The following C5AR1 variants were observed in gnomAD, a reference collection of about 807,000 sequenced individuals.
C5AR1 encodes complement C5a receptor 1, also known as C5a anaphylatoxin chemotactic receptor 1.
In C5AR1, 4 loss-of-function variants were observed where a neutral mutation model predicts 2.4. The ratio of observed to expected loss-of-function variants is 1.65; its 90% confidence interval spans 0.81 to 3.77. The LOEUF (loss-of-function observed/expected upper bound fraction) is 3.77, where lower values mean the gene tolerates loss of function less well. Among genes scored for constraint, C5AR1 ranks in the 30% most tolerant of loss-of-function variants. The probability of loss-of-function intolerance (pLI) is 0.01; values close to 1 mark genes in which losing one functional copy is unlikely to be tolerated. For synonymous variants in C5AR1, 209 were observed against 210.4 expected (o/e 0.99, Z 0.06); for missense variants, 418 against 462.5 (o/e 0.90, Z 0.88).
intron 1 of C5AR1, among the ~76,000 whole-genome samples, chr19:47,316,270 C>T (rs1177446459): frequency 2.6e-5 from 4 of 151,996 alleles, no homozygotes; most frequent in African/African-American, 4.8e-5. Context: ...GCCACCATGC[C>T]CAGCCCATTA....
Position 47,321,065 on chromosome 19 carries a change from C to A in C5AR1, c.*235C>A, listed in dbSNP as rs200603179. On this transcript the variant is annotated 3_prime_UTR_variant, in exon 2 of 2. Coordinates refer to ENST00000355085, the MANE Select transcript of C5AR1 (RefSeq NM_001736.4). ...AGCACCCTCCCACCCCCCACCCCCC[C>A]CACACACACCATCTTTCCATCCCAG... 2.5e-5 allele frequency: 6 copies of A among 242,746 alleles called. No individual in the cohort carries two copies. The highest frequency in any genetic ancestry group is 4.2e-5 in the Non-Finnish European group (6 of 141,766). The allele number at this position is 242,746 out of a possible 1,614,324, so 15.0% of individuals were successfully genotyped here.
chr19:47,317,958 C>T (rs1047079382), intron 1 of C5AR1, among the ~76,000 whole-genome samples: 2 of 138,760 alleles, frequency 1.4e-5, no homozygotes, highest in Admixed American at 7.7e-5. Context: ...TCCAGCGTGG[C>T]GACAGAGTGA....
In C5AR1 at chr19:47,318,661, C is replaced by T. The variant is rs192090974; in HGVS notation, c.4-1120C>T. On this transcript the variant is annotated intron_variant, in intron 1 of 1. Transcript: ENST00000355085. Reference sequence around the variant, plus strand: ...AGGATGGAAAGAGCAAATTCCATGCCGCATGCATAGTAGGTGCTCAGTAAG... The same window carrying T: ...AGGATGGAAAGAGCAAATTCCATGCTGCATGCATAGTAGGTGCTCAGTAAG... Among the ~76,000 whole-genome samples, 430 of 152,084 alleles carry T rather than the reference C, an allele frequency of 2.8e-3. 1 individual carries two copies. The highest frequency in any genetic ancestry group is 5.4e-3 in the Non-Finnish European group (366 of 67,996).
At chr19:47,308,212 CAAAA>C (rs1051683773), upstream of C5AR1, among the ~76,000 whole-genome samples, 3 of 54,070 alleles carry the variant, frequency 5.5e-5, no homozygotes, top group Non-Finnish European at 7.5e-5. Context: ...GACTCCATCT[CAAAA>C]AAAAAAAAAA....
At chr19:47,314,985 C>T (rs1053189423) in intron 1 of C5AR1, among the ~76,000 whole-genome samples, 69 of 152,200 alleles carry the variant, frequency 4.5e-4, no homozygotes, top group African/African-American at 1.4e-3. Flanking sequence ...TGAGCCACCA[C>T]GCCTGGCCTC....
intron 1 of C5AR1, among the ~76,000 whole-genome samples, chr19:47,314,525 A>AG (rs1490443058): frequency 6.0e-5 from 9 of 150,360 alleles, no homozygotes; most frequent in Admixed American, 4.6e-4. Context: ...AGCCTCCCAG[A>AG]TAGCTGGGAT....
rs527334716 is a variant in C5AR1 at position 47,310,228 on chromosome 19, C to T, written c.3+330C>T. Among the ~76,000 whole-genome samples, 35 of 152,234 alleles carry T rather than the reference C, an allele frequency of 2.3e-4. No individual in the cohort carries two copies. In the East Asian group the frequency reaches 5.2e-3, roughly 23 times the overall value. ...GGTGACTAAGAATTCCACAAGCAGC[C>T]GAGCGCAGTGGGTCACACCTGTGAT... On this transcript the variant is annotated intron_variant, in intron 1 of 1. Transcript: ENST00000355085.
chr19:47,310,396 C>A (rs1223613464), intron 1 of C5AR1, among the ~76,000 whole-genome samples: 13 of 152,076 alleles, frequency 8.5e-5, no homozygotes, highest in Non-Finnish European at 1.5e-5. Context: ...CTAGAACAGG[C>A]CTTCCAGGCA....
In C5AR1 at chr19:47,320,899, A is replaced by G; in HGVS notation, c.*69A>G. The G allele has an allele frequency of 7.1e-7, 1 of 1,411,106 alleles. No individual in the cohort carries two copies. The highest frequency in any genetic ancestry group is 9.6e-7 in the Non-Finnish European group (1 of 1,039,292). 87.4% of individuals were successfully genotyped at this position (1,411,106 alleles called of 1,614,324 possible). A position where few individuals can be genotyped will look rare whatever the true frequency, so the allele number is the denominator to read the frequency against. On this transcript the variant is annotated 3_prime_UTR_variant, in exon 2 of 2. Transcript: ENST00000355085. The surrounding 1 kb of genome is among the most constrained non-coding windows in gnomAD (Gnocchi z 4.9). The stretch of plus-strand genomic sequence containing the variant: ...CCCGGCCATTCTCCCTCTTGTTTTC[A>G]CTTCACTTTTCGTGGGATGGTGTTA...
chr19:47,320,962 T>C lies in C5AR1; in HGVS notation c.*132T>C. On this transcript the variant is annotated 3_prime_UTR_variant, in exon 2 of 2. Coordinates refer to ENST00000355085, the MANE Select transcript of C5AR1 (RefSeq NM_001736.4). This position sits in a 1 kb window ranked among gnomAD's most constrained non-coding sequence, Gnocchi z 4.9. ...AACTCTCCTCCATGTTGCCTGTCTT[T>C]CCCAGACTTGTCCCTCCTTTTCCAG... is the stretch of plus-strand genomic sequence containing the variant. 2.7e-6 allele frequency: 2 copies of C among 747,830 alleles called. No homozygotes were observed. Among genetic ancestry groups the C allele is most frequent in the Non-Finnish European group, 4.2e-6 (2 of 472,590 alleles). 46.3% of individuals were successfully genotyped at this position (747,830 alleles called of 1,614,324 possible).
rs1463748940 is a variant in C5AR1, at chr19:47,320,048, A to G, written c.271A>G (p.Ile91Val). The G allele has an allele frequency of 6.2e-7, 1 of 1,614,166 alleles. No homozygotes were observed. Among genetic ancestry groups the G allele is most frequent in the Non-Finnish European group, 8.5e-7 (1 of 1,180,032 alleles). ...ADFLSCLALP[I>V]LFTSIVQHHH... The stretch of plus-strand genomic sequence containing the variant: ...CTTCCTCTCCTGCCTGGCGCTGCCC[A>G]TCTTGTTCACGTCCATTGTACAGCA... Residue 91 changes from isoleucine (I) to valine (V), a missense_variant, in exon 2 of 2, where the codon ATC becomes GTC. Transcript: ENST00000355085. The surrounding 1 kb of genome is among the most constrained non-coding windows in gnomAD (Gnocchi z 4.9).
chr19:47,310,650 C>T (rs1278617183), intron 1 of C5AR1, among the ~76,000 whole-genome samples: 1 of 152,092 alleles, frequency 6.6e-6, no homozygotes, highest in African/African-American at 2.4e-5. Flanking sequence ...ACCACTATGT[C>T]CGGCTAATTT....
intron 1 of C5AR1, among the ~76,000 whole-genome samples, chr19:47,319,439 G>A (rs2059300829): frequency 6.6e-6 from 1 of 151,408 alleles, no homozygotes; most frequent in Non-Finnish European, 1.5e-5. Context: ...CTCCGGAGTA[G>A]CTGGGACTAC....
chr19:47,320,169 G>C lies in C5AR1; in HGVS notation c.392G>C (p.Ser131Thr). Residue 131 changes from serine to threonine, a missense_variant, in exon 2 of 2, where the codon AGC (serine) becomes ACC (threonine). Ser to Thr is a moderately conservative substitution (Grantham distance 58, BLOSUM62 1). Transcript: ENST00000355085. The surrounding 1 kb of genome is among the most constrained non-coding windows in gnomAD (Gnocchi z 4.9). ...YASILLLATI[S>T]ADRFLLVFKP... The stretch of plus-strand genomic sequence containing the variant: ...AGCATCCTGCTCCTGGCCACCATCA[G>C]CGCCGACCGCTTTCTGCTGGTGTTT... The C allele has an allele frequency of 6.2e-7, 1 of 1,614,182 alleles. No homozygotes were observed. The highest frequency in any genetic ancestry group is 8.5e-7 in the Non-Finnish European group (1 of 1,180,040).
intron 1 of C5AR1, among the ~76,000 whole-genome samples, chr19:47,317,633 G>T (rs1370994587): frequency 6.6e-6 from 1 of 151,906 alleles, no homozygotes; most frequent in African/African-American, 2.4e-5. Flanking sequence ...CAGGCGCTGT[G>T]CTAGGTGCTT....
chr19:47,316,877 G>GAA (rs869148486), intron 1 of C5AR1, among the ~76,000 whole-genome samples: 1 of 141,592 alleles, frequency 7.1e-6, no homozygotes, highest in Non-Finnish European at 1.5e-5. Flanking sequence ...AAGGGAACTA[G>GAA]AAAAAAAAAA....
chr19:47,316,730 G>A (rs2059290210), intron 1 of C5AR1: 2 of 152,046 alleles, frequency 1.3e-5, no homozygotes, highest in South Asian at 4.1e-4. Context: ...ATTCCACCAC[G>A]TGGCTAAACC....
chr19:47,309,717 T>G (rs1292873447), upstream of C5AR1, among the ~76,000 whole-genome samples: 1 of 151,228 alleles, frequency 6.6e-6, no homozygotes, highest in Non-Finnish European at 1.5e-5. Context: ...GTGGTTAGAG[T>G]CCCCTGGGTG....
chr19:47,312,506 C>T (rs1271324740), intron 1 of C5AR1, among the ~76,000 whole-genome samples: 2 of 152,228 alleles, frequency 1.3e-5, no homozygotes, highest in Non-Finnish European at 2.9e-5. Context: ...ACAGTTGGCG[C>T]TCAATGTGGG....
Sources: gnomAD v4.1 joint callset for allele counts (sites outside exome capture counted in the v4.1 genomes callset) on GRCh38, gnomAD v4.1.1 for gene constraint, Gnocchi (gnomAD v3.1) non-coding constraint, MANE v1.5 for transcripts, NCBI Gene and HGNC (gene_info 2026-07-23, HGNC 2026-07-21) for gene names.